Variants in PRDM11 observed in about 807,000 individuals in gnomAD.
PRDM11 encodes the protein PR/SET domain 11, also known as PR domain-containing protein 11.
PRDM11 carries 20 observed loss-of-function variants against 97.8 expected under a neutral mutation model. The ratio of observed to expected loss-of-function variants is 0.20; its 90% CI spans 0.14 to 0.30. The LOEUF is 0.30. Among genes scored for constraint, PRDM11 ranks in the 10% least tolerant of loss-of-function variants. The pLI is 1.00. For synonymous variants in PRDM11, 599 were observed against 637.7 expected, an observed-to-expected ratio of 0.94 and a Z score of 0.91; for missense variants, 1,139 against 1,555.2, an observed-to-expected ratio of 0.73 and a Z score of 4.50.
At chr11:45,148,562 G>A (rs1851581021) in intron 1 of PRDM11, among the ~76,000 whole-genome samples, 2 of 152,256 alleles carry the variant, frequency 1.3e-5, no homozygotes, top group Non-Finnish European at 2.9e-5. Context: ...CTTCCCTGGT[G>A]ACGTTCACAA....
At chr11:45,171,655 A>G (rs1344179073) in intron 1 of PRDM11, among the ~76,000 whole-genome samples, 1 of 152,120 alleles carries the variant, frequency 6.6e-6, no homozygotes, top group Non-Finnish European at 1.5e-5. Flanking sequence ...CTGGAATGGG[A>G]CTGGGGATAG....
intron 1 of PRDM11, among the ~76,000 whole-genome samples, chr11:45,129,905 C>CT (rs1852680413): frequency 6.6e-6 from 1 of 152,132 alleles, no homozygotes; most frequent in Admixed American, 6.5e-5. Context: ...GTTAAGAAGA[C>CT]TATGTGGGTT....
In PRDM11 at chr11:45,182,915, C is replaced by T. The variant is rs762089601; in HGVS notation, c.278C>T (p.Pro93Leu). 26 of 1,612,228 alleles carry T rather than the reference C, an allele frequency of 1.6e-5. No homozygotes were observed. The highest frequency in any genetic ancestry group is 1.6e-4 in the Middle Eastern group (1 of 6,072). Residue 93 changes from proline to leucine, a missense_variant, in exon 4 of 8, where the codon CCG becomes CTG. Physicochemically the swap from Pro to Leu is moderately conservative, Grantham distance 98. Coordinates refer to ENST00000683152, the MANE Select transcript of PRDM11 (RefSeq NM_001384648.1). ...GATGAATGCCCAAACCATGGCCCCC[C>T]GGTGTTTGTGTCTGACACACCGGTG... ...FVDECPNHGPPVFVSDTPVPV... is the reference protein window; with the variant it reads ...FVDECPNHGPLVFVSDTPVPV...
chr11:45,094,691 G>A (rs1320827963), upstream of PRDM11, among the ~76,000 whole-genome samples: 1 of 137,918 alleles, frequency 7.3e-6, no homozygotes, highest in Non-Finnish European at 1.6e-5. Flanking sequence ...AGGATGGAAG[G>A]AAGGAAGGAA....
At chr11:45,145,886 T>C (rs1851496669), upstream of PRDM11, among the ~76,000 whole-genome samples, 1 of 152,126 alleles carries the variant, frequency 6.6e-6, no homozygotes, top group African/African-American at 2.4e-5. Context: ...TCTTTCCCTC[T>C]TCACCCCCTC....
chr11:45,210,617 T>TC (rs1439744264), intron 5 of PRDM11, among the ~76,000 whole-genome samples: 6 of 152,204 alleles, frequency 3.9e-5, no homozygotes, highest in Non-Finnish European at 5.9e-5. Context: ...CACCTTCCCT[T>TC]CCCGGGCCCC....
chr11:45,126,498 T>A (rs1321718277), intron 1 of PRDM11, among the ~76,000 whole-genome samples: 2 of 152,154 alleles, frequency 1.3e-5, no homozygotes, highest in Non-Finnish European at 2.9e-5. Context: ...CCATGTTTAG[T>A]GCTTCCTTCA....
intron 4 of PRDM11, among the ~76,000 whole-genome samples, chr11:45,183,722 G>A (rs944787624): frequency 8.5e-5 from 13 of 152,212 alleles, no homozygotes; most frequent in African/African-American, 3.1e-4. Flanking sequence ...GGTTACCAAA[G>A]CAACTTTAAG....
chr11:45,208,621 C>A (rs976498538), intron 5 of PRDM11, among the ~76,000 whole-genome samples: 1 of 152,154 alleles, frequency 6.6e-6, no homozygotes, highest in Non-Finnish European at 1.5e-5. Flanking sequence ...CTAGTAAGAG[C>A]TAAAGCAGGC....
At chr11:45,178,946 C>T (rs1056003664) in intron 1 of PRDM11, among the ~76,000 whole-genome samples, 1 of 152,162 alleles carries the variant, frequency 6.6e-6, no homozygotes, top group Non-Finnish European at 1.5e-5. Flanking sequence ...TAACAAAAGA[C>T]GGTTATACAT....
intron 1 of PRDM11, among the ~76,000 whole-genome samples, chr11:45,113,817 TG>T (rs58085028): frequency 7.7e-6 from 1 of 130,428 alleles, no homozygotes; most frequent in African/African-American, 3.2e-5. Flanking sequence ...TGTGTGTGTG[TG>T]TGTGTGTTTT....
intron 1 of PRDM11, among the ~76,000 whole-genome samples, chr11:45,129,598 C>G (rs960988658): frequency 2.0e-5 from 3 of 152,024 alleles, no homozygotes; most frequent in African/African-American, 7.2e-5. Flanking sequence ...GATATCCACC[C>G]TATAAAACAG....
At chr11:45,141,459 G>C (rs1851402997) in intron 1 of PRDM11, among the ~76,000 whole-genome samples, 1 of 152,208 alleles carries the variant, frequency 6.6e-6, no homozygotes, top group Non-Finnish European at 1.5e-5. Context: ...ACTGTCTTCA[G>C]CTGCTAAGTT....
At chr11:45,156,638 TAAAAAG>T (rs997825259) in intron 1 of PRDM11, among the ~76,000 whole-genome samples, 5 of 152,346 alleles carry the variant, frequency 3.3e-5, no homozygotes, top group Middle Eastern at 6.8e-3. Flanking sequence ...TTGGAAAACT[TAAAAAG>T]TAAAGAAGTC....
chr11:45,166,427 G>A (rs1020632221), intron 1 of PRDM11, among the ~76,000 whole-genome samples: 1 of 152,248 alleles, frequency 6.6e-6, no homozygotes, highest in Non-Finnish European at 1.5e-5. Flanking sequence ...ATCCTCTCTT[G>A]CACCAATCAC....
intron 4 of PRDM11, among the ~76,000 whole-genome samples, chr11:45,203,486 T>C (rs1853402006): frequency 6.6e-6 from 1 of 151,258 alleles, no homozygotes; most frequent in South Asian, 2.1e-4. Context: ...AACCCCGGAT[T>C]AGACACAGCC....
intron 1 of PRDM11, among the ~76,000 whole-genome samples, chr11:45,123,018 T>C (rs1003729398): frequency 3.9e-5 from 6 of 152,258 alleles, no homozygotes; most frequent in Middle Eastern, 3.4e-3. Context: ...TTTCCTGACT[T>C]TTTAATGATC....
intron 5 of PRDM11, among the ~76,000 whole-genome samples, chr11:45,218,422 T>G (rs555312525): frequency 3.3e-5 from 5 of 152,262 alleles, no homozygotes; most frequent in African/African-American, 1.2e-4. Flanking sequence ...TTAGTGATGC[T>G]GAATACTTTT....
intron 1 of PRDM11, among the ~76,000 whole-genome samples, chr11:45,124,551 G>T (rs1226831872): frequency 1.3e-5 from 2 of 152,164 alleles, no homozygotes; most frequent in Admixed American, 6.5e-5. Flanking sequence ...AGCACGAAGG[G>T]TTGTTGAATT....
Sources: gnomAD v4.1 joint callset for allele counts (sites outside exome capture counted in the v4.1 genomes callset) on GRCh38, gnomAD v4.1.1 for gene constraint, MANE v1.5 for transcripts, NCBI Gene and HGNC (gene_info 2026-07-23, HGNC 2026-07-21) for gene names.